CADPS2: variants seen among roughly 807,000 people sequenced by gnomAD.
CADPS2 encodes the protein calcium-dependent secretion activator 2.
CADPS2 carries 93 observed loss-of-function variants against 172.5 expected under a neutral mutation model. The observed-to-expected ratio is 0.54, with a 90% CI of 0.46 to 0.64. The LOEUF is 0.64. CADPS2 is among the 30% of genes least tolerant of loss of function. The pLI, the probability that CADPS2 is intolerant of heterozygous loss-of-function variation, is 0.00. For missense variants in CADPS2, 1,420 were observed against 1,565.9 expected, an observed-to-expected ratio of 0.91 and a Z score of 1.57; for synonymous variants, 546 against 555.2, an observed-to-expected ratio of 0.98 and a Z score of 0.23.
chr7:122,661,449 A>G (rs1157930476), intron 3 of CADPS2, among the ~76,000 whole-genome samples: 3 of 152,142 alleles, frequency 2.0e-5, no homozygotes, highest in Non-Finnish European at 4.4e-5. Flanking sequence ...ATATTTTATA[A>G]CCTTGTAACA....
chr7:122,471,615 T>C, intron 13 of CADPS2, 53 bp from the exon 14 acceptor site: 1 of 1,463,344 alleles, frequency 6.8e-7, no homozygotes, highest in South Asian at 1.4e-5. Context: ...TATACTACGA[T>C]TTGCTTTCCT....
intron 1 of CADPS2, among the ~76,000 whole-genome samples, chr7:122,783,475 A>G (rs2139456891): frequency 6.6e-6 from 1 of 152,266 alleles, no homozygotes; most frequent in East Asian, 1.9e-4. Flanking sequence ...CTCCTCTCAC[A>G]GGAGCACCAG....
At chr7:122,789,344 T>C (rs554173956) in intron 1 of CADPS2, among the ~76,000 whole-genome samples, 3 of 152,318 alleles carry the variant, frequency 2.0e-5, no homozygotes, top group South Asian at 2.1e-4. Flanking sequence ...CAAGGAAGGA[T>C]TGGCCTTTAA....
At position 122,469,331 on chromosome 7, in the gene CADPS2, G is replaced by A. The variant is rs961633195; in HGVS notation, c.2186+2044C>T. On this transcript the variant is annotated intron_variant, in intron 14 of 29. Transcript: ENST00000449022. ...TATTCTGATTATACAGTTTGCTTTG[G>A]GTTTGTTTGTTTCACTGAAACCTTC... Among the ~76,000 whole-genome samples, 7 of 152,130 alleles carry A rather than the reference G, an allele frequency of 4.6e-5. No homozygotes were observed. The South Asian group carries it at 1.5e-3, about 32-fold the overall frequency.
Position 122,474,462 on chromosome 7 carries a change from G to T in CADPS2, c.1917C>A (p.Cys639Ter). 6.2e-7 allele frequency: 1 copy of T among 1,613,354 alleles called. No homozygotes were observed. The highest frequency in any genetic ancestry group is 8.5e-7 in the Non-Finnish European group (1 of 1,179,602). The stretch of plus-strand genomic sequence containing the variant: ...TAAAAAGGAAGGCATGATCAAGCTT[G>T]CAGGGGTTTGCAGAAATAAACTCAT... Reference protein sequence around the residue: ...GMDEFISANPCKLDHAFLFRI... With the variant: ...GMDEFISANP Residue 639 changes from cysteine to a stop codon, truncating the protein, a stop_gained, in exon 13 of 30, where the codon TGC (cysteine) becomes TGA (stop). Transcript: ENST00000449022. LOFTEE classifies it high-confidence loss of function.
chr7:122,491,535 T>C (rs2058288871), intron 9 of CADPS2, 115 bp from the exon 10 acceptor site: 2 of 557,860 alleles, frequency 3.6e-6, no homozygotes, highest in Non-Finnish European at 6.2e-6. Flanking sequence ...AATTTGCACA[T>C]AAATTATTAA....
chr7:122,640,496 TAG>T (rs995851452), intron 3 of CADPS2, among the ~76,000 whole-genome samples: 13 of 121,946 alleles, frequency 1.1e-4, no homozygotes, highest in Admixed American at 2.5e-4. Context: ...CACACAGAGA[TAG>T]AGAGAGAGAG....
rs192095214 is a variant in CADPS2, at chr7:122,386,613, A to T, written c.3312+413T>A. On this transcript the variant is annotated intron_variant, in intron 24 of 29. Transcript: ENST00000449022. ...TAAGTCTATTTCAACCTAAATTTTTAAAAATGGAAGCTACTGTGTAAATAA... is the reference window on the plus strand; with the variant it reads ...TAAGTCTATTTCAACCTAAATTTTTTAAAATGGAAGCTACTGTGTAAATAA... Among the ~76,000 whole-genome samples the T allele has an allele frequency of 4.9e-4, 75 of 152,180 alleles. No homozygotes were observed. In the Middle Eastern group the frequency reaches 0.01, roughly 21 times the overall value.
At chr7:122,406,483 G>T (rs894839185) in intron 20 of CADPS2, among the ~76,000 whole-genome samples, 1 of 152,188 alleles carries the variant, frequency 6.6e-6, no homozygotes, top group African/African-American at 2.4e-5. Flanking sequence ...CAGGGAAGAA[G>T]GAAGGAAAGC....
intron 9 of CADPS2, among the ~76,000 whole-genome samples, chr7:122,499,779 A>G (rs952662476): frequency 2.0e-5 from 3 of 152,294 alleles, no homozygotes; most frequent in Middle Eastern, 3.4e-3. Flanking sequence ...ACACCAGGGG[A>G]CCTCTACAAA....
At chr7:122,423,444 C>G (rs77828464) in intron 17 of CADPS2, among the ~76,000 whole-genome samples, 4,330 of 152,206 alleles carry the variant, frequency 0.028, 186 homozygotes, top group African/African-American at 0.099. Context: ...TGTAAGAAGA[C>G]TGCCTCAAAA....
Position 122,511,858 on chromosome 7 carries a change from G to A in CADPS2, c.1542+1391C>T, listed in dbSNP as rs983965449. ...AGAAGTATCTATTAAAATTGCTTAG[G>A]AAACACATTTTAATTCATGCACCAA... On this transcript the variant is annotated intron_variant, in intron 9 of 29. Coordinates refer to ENST00000449022, the MANE Select transcript of CADPS2 (RefSeq NM_017954.11). Among the ~76,000 whole-genome samples the A allele has an allele frequency of 1.2e-3, 189 of 152,182 alleles. 5 individuals carry two copies. Among genetic ancestry groups the A allele is most frequent in the Admixed American group, 0.012 (183 of 15,282 alleles).
At position 122,361,783 on chromosome 7, in the gene CADPS2, C is replaced by G. The variant is rs146210855; in HGVS notation, c.3388-770G>C. Among the ~76,000 whole-genome samples the G allele has an allele frequency of 5.2e-3, 797 of 152,050 alleles. 2 individuals are homozygous for G. Among genetic ancestry groups the G allele is most frequent in the Non-Finnish European group, 7.1e-3 (481 of 67,974 alleles). On this transcript the variant is annotated intron_variant, in intron 25 of 29. Transcript: ENST00000449022. The stretch of plus-strand genomic sequence containing the variant: ...ACACAGGAGGTTGAATATAAAAGAA[C>G]AGATAATGGGCCAGGCAGGGTGGCT...
At chr7:122,452,024 G>C (rs896058873) in intron 14 of CADPS2, among the ~76,000 whole-genome samples, 1 of 152,150 alleles carries the variant, frequency 6.6e-6, no homozygotes, top group Admixed American at 6.5e-5. Flanking sequence ...ATACAGGGAA[G>C]AGAGCAAGCT....
chr7:122,679,497 T>C (rs1161127864), intron 2 of CADPS2, among the ~76,000 whole-genome samples: 1 of 152,140 alleles, frequency 6.6e-6, no homozygotes, highest in Non-Finnish European at 1.5e-5. Context: ...TGATTCTAGT[T>C]TCACCCTGAC....
intron 3 of CADPS2, among the ~76,000 whole-genome samples, chr7:122,652,290 TTAAC>T (rs2079237512): frequency 6.6e-6 from 1 of 152,172 alleles, no homozygotes; most frequent in South Asian, 2.1e-4. Flanking sequence ...AGATAATGGG[TTAAC>T]TAATTAATTT....
intron 1 of CADPS2, among the ~76,000 whole-genome samples, chr7:122,825,962 G>A (rs943654892): frequency 3.9e-5 from 6 of 152,134 alleles, no homozygotes; most frequent in African/African-American, 1.2e-4. Flanking sequence ...GTGTAAGAAC[G>A]CCAAGTAGCA....
At chr7:122,546,904 G>A (rs1223005955) in intron 8 of CADPS2, among the ~76,000 whole-genome samples, 1 of 151,674 alleles carries the variant, frequency 6.6e-6, no homozygotes, top group Non-Finnish European at 1.5e-5. Context: ...AATTATTTTT[G>A]AGCCTATCTA....
rs369344819 is a variant in CADPS2, at chr7:122,474,402, C to A, written c.1977G>T (p.Leu659=). The part of the protein sequence containing the change: ...ILQRQTLDHR[L]NDSYSCLGWF... ...TCACCAAGCAAGAATAGGAATCATT[C>A]AGTCTGTGATCCAAAGTCTGCCTCT... Residue 659 remains leucine, a synonymous_variant, in exon 13 of 30, where the codon CTG becomes CTT. Transcript: ENST00000449022. 2 of 1,613,252 alleles carry A rather than the reference C, an allele frequency of 1.2e-6. No individual in the cohort carries two copies. Among genetic ancestry groups the A allele is most frequent in the African/African-American group, 1.3e-5 (1 of 74,816 alleles).
Sources: allele counts gnomAD v4.1 joint callset (sites outside exome capture counted in the v4.1 genomes callset), GRCh38; gene constraint gnomAD v4.1.1; transcripts MANE v1.5; gene names NCBI Gene and HGNC (gene_info 2026-07-23, HGNC 2026-07-21).